NBEA: variants seen among roughly 807,000 people sequenced by gnomAD.
NBEA encodes neurobeachin.
A neutral mutation model predicts 343.4 loss-of-function variants in NBEA; 44 were observed. The ratio of observed to expected loss-of-function variants is 0.13; its 90% CI spans 0.10 to 0.16. NBEA has a LOEUF of 0.16. Among genes scored for constraint, NBEA ranks in the 10% least tolerant of loss-of-function variants. The pLI is 1.00. For synonymous variants in NBEA, 1,175 were observed against 1,238.7 expected (o/e 0.95, Z 1.08); for missense variants, 2,555 against 3,631.3 (o/e 0.70, Z 7.62).
intron 36 of NBEA, among the ~76,000 whole-genome samples, chr13:35,336,209 G>T (rs1195300909): frequency 6.6e-6 from 1 of 151,984 alleles, no homozygotes; most frequent in Non-Finnish European, 1.5e-5. Flanking sequence ...AAATCCTAGG[G>T]AAGAGAGAGA....
At chr13:35,191,318 A>G (rs1463994094) in intron 30 of NBEA, among the ~76,000 whole-genome samples, 1 of 152,154 alleles carries the variant, frequency 6.6e-6, no homozygotes, top group African/African-American at 2.4e-5. Flanking sequence ...TCCAAGTAGG[A>G]TAAACTCAAG....
chr13:35,630,372 A>C (rs900242032), intron 49 of NBEA, among the ~76,000 whole-genome samples: 1 of 152,230 alleles, frequency 6.6e-6, no homozygotes, highest in African/African-American at 2.4e-5. Flanking sequence ...TTACATAGAA[A>C]TGTAAAATTT....
intron 1 of NBEA, among the ~76,000 whole-genome samples, chr13:34,945,885 G>A (rs2059171669): frequency 6.6e-6 from 1 of 152,156 alleles, no homozygotes; most frequent in Non-Finnish European, 1.5e-5. Context: ...GCACTAAAGT[G>A]TAGGACTTCT....
chr13:35,489,307 G>T (rs891432568), intron 41 of NBEA, among the ~76,000 whole-genome samples: 1 of 151,830 alleles, frequency 6.6e-6, no homozygotes, highest in African/African-American at 2.4e-5. Flanking sequence ...GTTATCACAT[G>T]AATCTAAATG....
intron 21 of NBEA, among the ~76,000 whole-genome samples, chr13:35,158,242 A>G (rs1198679779): frequency 6.6e-6 from 1 of 152,078 alleles, no homozygotes; most frequent in Non-Finnish European, 1.5e-5. Flanking sequence ...TGGTCCCCCC[A>G]ATCTAAAATT....
intron 1 of NBEA, among the ~76,000 whole-genome samples, chr13:34,974,058 G>A (rs1005861409): frequency 2.6e-5 from 4 of 152,176 alleles, no homozygotes; most frequent in African/African-American, 9.7e-5. Context: ...CGTGGGAGAA[G>A]CATGGCATGG....
chr13:35,055,462 A>G (rs1157388696), intron 6 of NBEA, among the ~76,000 whole-genome samples: 3 of 152,162 alleles, frequency 2.0e-5, no homozygotes, highest in Non-Finnish European at 4.4e-5. Context: ...AATTGAAGCT[A>G]CCTAAATCTT....
At chr13:35,432,172 A>G in intron 38 of NBEA, 97 bp from the exon 39 acceptor site, 1 of 1,033,838 alleles carries the variant, frequency 9.7e-7, no homozygotes, top group Non-Finnish European at 1.3e-6. Flanking sequence ...TTAATTTTTC[A>G]ATGAGACCAA....
intron 36 of NBEA, 80 bp from the exon 37 acceptor site, chr13:35,349,028 A>C: frequency 1.9e-6 from 1 of 513,878 alleles, no homozygotes; most frequent in Non-Finnish European, 3.3e-6. Context: ...TATTTGAAGT[A>C]CTGAAATCTG....
intron 40 of NBEA, among the ~76,000 whole-genome samples, chr13:35,462,951 C>G (rs1402281056): frequency 6.6e-6 from 1 of 152,016 alleles, no homozygotes; most frequent in Non-Finnish European, 1.5e-5. Context: ...GATGAAGATG[C>G]GTGATCTGTT....
chr13:35,478,513 G>T (rs1003314369), intron 41 of NBEA, among the ~76,000 whole-genome samples: 2 of 152,248 alleles, frequency 1.3e-5, no homozygotes, highest in African/African-American at 4.8e-5. Flanking sequence ...TGTGCCGTCC[G>T]CTCGCCGCCT....
intron 26 of NBEA, 39 bp downstream of exon 26, chr13:35,171,491 T>G: frequency 6.5e-7 from 1 of 1,536,294 alleles, no homozygotes; most frequent in Non-Finnish European, 8.9e-7. Context: ...CAAATAATTA[T>G]CTACAGAGCA....
intron 47 of NBEA, among the ~76,000 whole-genome samples, chr13:35,603,357 AG>A (rs2082142088): frequency 2.0e-5 from 3 of 152,202 alleles, no homozygotes; most frequent in Non-Finnish European, 2.9e-5. Context: ...GCGTTTGCCC[AG>A]ATTTTATTCA....
chr13:35,052,123 T>C (rs1226947341), intron 6 of NBEA, among the ~76,000 whole-genome samples: 1 of 152,030 alleles, frequency 6.6e-6, no homozygotes, highest in Non-Finnish European at 1.5e-5. Flanking sequence ...GTGAAGATTC[T>C]CACAAACCTT....
intron 1 of NBEA, among the ~76,000 whole-genome samples, chr13:35,018,090 A>C (rs144750463): frequency 6.6e-6 from 1 of 151,874 alleles, no homozygotes; most frequent in African/African-American, 2.4e-5. Flanking sequence ...ACTTTCTATT[A>C]TGTTCTGTTA....
chr13:35,085,068 C>T (rs560730012), intron 10 of NBEA, among the ~76,000 whole-genome samples: 129 of 152,088 alleles, frequency 8.5e-4, no homozygotes, highest in African/African-American at 2.8e-3. Context: ...CAATAACAGG[C>T]TCTGAAATTG....
At chr13:35,549,106 A>G (rs1243155447) in intron 41 of NBEA, among the ~76,000 whole-genome samples, 3 of 152,188 alleles carry the variant, frequency 2.0e-5, no homozygotes, top group African/African-American at 7.2e-5. Flanking sequence ...AGGAGTCTGA[A>G]TGGCTCCAAA....
intron 1 of NBEA, among the ~76,000 whole-genome samples, chr13:35,034,613 G>T (rs1484620400): frequency 6.6e-6 from 1 of 151,824 alleles, no homozygotes; most frequent in African/African-American, 2.4e-5. Flanking sequence ...AATAGTTTGA[G>T]TAGGATTAAT....
At chr13:35,670,508 C>G (rs1010085748) in intron 58 of NBEA, among the ~76,000 whole-genome samples, 1 of 152,032 alleles carries the variant, frequency 6.6e-6, no homozygotes, top group Non-Finnish European at 1.5e-5. Flanking sequence ...TTCAAGGGGG[C>G]AAAGAAAAGA....
Sources: allele counts gnomAD v4.1 joint callset (sites outside exome capture counted in the v4.1 genomes callset), GRCh38; gene constraint gnomAD v4.1.1; transcripts MANE v1.5; gene names NCBI Gene and HGNC (gene_info 2026-07-23, HGNC 2026-07-21).